PADI1: variants seen among roughly 807,000 people sequenced by gnomAD.
The protein encoded by PADI1 is protein-arginine deiminase type-1.
Under a neutral mutation model 74.8 loss-of-function variants are expected in PADI1, and 65 were observed. That is an observed-to-expected ratio of 0.87 (90% confidence interval 0.71 to 1.07). PADI1 has a LOEUF of 1.07. PADI1 is among the 50% of genes least tolerant of loss of function. The pLI is 0.00. For synonymous variants in PADI1, 371 were observed against 336.2 expected, an observed-to-expected ratio of 1.10 and a Z score of -1.13; for missense variants, 943 against 854.0, an observed-to-expected ratio of 1.10 and a Z score of -1.30.
At chr1:17,243,791 T>C (rs2977222) in intron 15 of PADI1, among the ~76,000 whole-genome samples, 79,166 of 152,110 alleles carry the variant, frequency 0.52, 21,114 homozygotes, top group African/African-American at 0.63. Context: ...TTCCTGGTAG[T>C]CCTGGCTGTT....
intron 1 of PADI1, among the ~76,000 whole-genome samples, chr1:17,206,919 G>T (rs2071700727): frequency 6.6e-6 from 1 of 152,002 alleles, no homozygotes; most frequent in Non-Finnish European, 1.5e-5. Flanking sequence ...GACCTCAAGT[G>T]ATCAACCCAC....
chr1:17,220,299 G>A (rs764141539), intron 1 of PADI1, among the ~76,000 whole-genome samples: 5 of 152,226 alleles, frequency 3.3e-5, no homozygotes, highest in Middle Eastern at 3.4e-3. Flanking sequence ...TGTTGTCACC[G>A]CAGTCAATGG....
intron 8 of PADI1, among the ~76,000 whole-genome samples, chr1:17,229,732 G>A (rs1278790301): frequency 6.6e-6 from 1 of 152,176 alleles, no homozygotes; most frequent in Non-Finnish European, 1.5e-5. Context: ...CTTTGCTTAG[G>A]CCAATTGTGT....
At chr1:17,235,957 G>A (rs1178675043) in intron 11 of PADI1, among the ~76,000 whole-genome samples, 2 of 152,190 alleles carry the variant, frequency 1.3e-5, no homozygotes, top group African/African-American at 4.8e-5. Context: ...TCCATTGGCT[G>A]TTGGACTGAA....
chr1:17,220,037 G>A (rs893843584), intron 1 of PADI1, among the ~76,000 whole-genome samples: 17 of 152,066 alleles, frequency 1.1e-4, no homozygotes, highest in Admixed American at 9.2e-4. Context: ...GGGTTTCCAT[G>A]GCAACTGATG....
chr1:17,242,322 A>G (rs999692980), intron 15 of PADI1, among the ~76,000 whole-genome samples: 3 of 152,252 alleles, frequency 2.0e-5, no homozygotes, highest in Non-Finnish European at 4.4e-5. Context: ...AATGTTCCAT[A>G]TCGGTACAAT....
rs150996431 is a variant in PADI1 at position 17,235,404 on chromosome 1, G to A, written c.1314-1910G>A. ...GAAGGTACAGCTCAAAGGAAAAGTC[G>A]AAAAAACTCGGTATGGGTGGCATGT... On this transcript the variant is annotated intron_variant, in intron 11 of 15. Coordinates refer to ENST00000375471, the MANE Select transcript of PADI1 (RefSeq NM_013358.3). Among the ~76,000 whole-genome samples the A allele has an allele frequency of 1.6e-3, 245 of 152,214 alleles. 4 individuals carry two copies. The highest frequency in any genetic ancestry group is 5.7e-3 in the African/African-American group (237 of 41,530).
chr1:17,223,105 G>T (rs2072206000), intron 2 of PADI1, among the ~76,000 whole-genome samples: 1 of 152,140 alleles, frequency 6.6e-6, no homozygotes, highest in African/African-American at 2.4e-5. Flanking sequence ...TGCAGGCAGG[G>T]TCCGGACAGT....
rs1557489378 is a variant in PADI1 at position 17,244,482 on chromosome 1, C to CCA, written c.*240_*241insAC. 1 of 623,000 alleles carries CCA rather than the reference C, an allele frequency of 1.6e-6. No homozygotes were observed. The highest frequency in any genetic ancestry group is 1.8e-5 in the African/African-American group (1 of 55,640). 38.6% of individuals were successfully genotyped at this position (623,000 alleles called of 1,614,324 possible). A position where few individuals can be genotyped will look rare whatever the true frequency, so the allele number is the denominator to read the frequency against. ...TCCCTGGCCTCTTTCCCACCCACAG[C>CCA]CCCCAGAGGCTCTAGATCAACAATG... On this transcript the variant is annotated 3_prime_UTR_variant, in exon 16 of 16. Coordinates refer to ENST00000375471, the MANE Select transcript of PADI1 (RefSeq NM_013358.3).
At chr1:17,219,405 T>C (rs2072071958) in intron 1 of PADI1, among the ~76,000 whole-genome samples, 1 of 152,026 alleles carries the variant, frequency 6.6e-6, no homozygotes, top group Non-Finnish European at 1.5e-5. Context: ...AGCTGGAATA[T>C]TGGGAAGCGG....
rs1318896875 is a variant in PADI1, at chr1:17,222,456, T to G, written c.259T>G (p.Leu87Val). Residue 87 changes from leucine (L) to valine (V), a missense_variant, in exon 2 of 16, where the codon TTA becomes GTA. Physicochemically the swap from Leu to Val is conservative, Grantham distance 32. Transcript: ENST00000375471. ...ATCTGTGGGCACAGCCAGTAAGGAA[T>G]TAAAGGACTTCAAGGTAAGAGGCCA... ...VVSVGTASKE[L>V]KDFKVRVSYF... 1.2e-6 allele frequency: 2 copies of G among 1,613,540 alleles called. No individual in the cohort carries two copies.
chr1:17,243,367 TA>T (rs1382363604), intron 15 of PADI1, among the ~76,000 whole-genome samples: 2 of 152,202 alleles, frequency 1.3e-5, no homozygotes, highest in Admixed American at 1.3e-4. Flanking sequence ...GGTGGCCAGA[TA>T]AAAAGCATGG....
chr1:17,227,580 A>T (rs1164265518), intron 6 of PADI1, among the ~76,000 whole-genome samples: 1 of 146,876 alleles, frequency 6.8e-6, no homozygotes, highest in Non-Finnish European at 1.5e-5. Flanking sequence ...TAAATAAATA[A>T]ATTACCACTC....
chr1:17,226,486 A>G (rs1325259587), intron 6 of PADI1, among the ~76,000 whole-genome samples: 1 of 152,160 alleles, frequency 6.6e-6, no homozygotes, highest in Non-Finnish European at 1.5e-5. Context: ...CCTCTGGTCA[A>G]TCAGCGTGGA....
rs371985846 is a variant in PADI1, at chr1:17,228,712, T to C, written c.740T>C (p.Ile247Thr). The C allele has an allele frequency of 1.2e-6, 2 of 1,614,128 alleles. No individual in the cohort carries two copies. The highest frequency in any genetic ancestry group is 2.7e-5 in the African/African-American group (2 of 75,014). The change falls in exon 7 of 16, where the codon ATC becomes ACC. Residue 247 changes from isoleucine to threonine, a missense_variant. Coordinates refer to ENST00000375471, the MANE Select transcript of PADI1 (RefSeq NM_013358.3). ...GAGCGACAGCCAGGGGAGCAGGAGA[T>C]CAAGTTCTATGTGGAGGGGCTGACC... The part of the protein sequence containing the change: ...EVERQPGEQE[I>T]KFYVEGLTFP...
intron 14 of PADI1, 100 bp from the exon 15 acceptor site, chr1:17,240,535 G>A (rs2072752803): frequency 3.0e-6 from 4 of 1,324,744 alleles, no homozygotes; most frequent in South Asian, 1.4e-5. Flanking sequence ...GAAGGAGCTA[G>A]CGGGCCCAGA....
chr1:17,225,955 G>A (rs1480719467), intron 5 of PADI1, 27 bp downstream of exon 5: 1 of 1,612,308 alleles, frequency 6.2e-7, no homozygotes, highest in Non-Finnish European at 8.5e-7. Flanking sequence ...GTTGTCTGGG[G>A]AGTGGGGAAG....
At chr1:17,223,808 T>G in intron 3 of PADI1, 115 bp downstream of exon 3, 1 of 834,316 alleles carries the variant, frequency 1.2e-6, no homozygotes, top group Middle Eastern at 2.2e-4. Flanking sequence ...CCTCCATCAC[T>G]GAGGGGCTTG....
chr1:17,228,384 A>G (rs2072383585), intron 6 of PADI1, among the ~76,000 whole-genome samples: 1 of 152,222 alleles, frequency 6.6e-6, no homozygotes, highest in African/African-American at 2.4e-5. Context: ...AGGTGCTTCT[A>G]TCTCTTTATT....
Sources: allele counts gnomAD v4.1 joint callset (sites outside exome capture counted in the v4.1 genomes callset), GRCh38; gene constraint gnomAD v4.1.1; transcripts MANE v1.5; gene names NCBI Gene and HGNC (gene_info 2026-07-23, HGNC 2026-07-21).